The following MN1 variants were observed in gnomAD, a reference collection of about 807,000 sequenced individuals.
MN1 encodes the protein transcriptional activator MN1.
Under a neutral mutation model 86.9 loss-of-function variants are expected in MN1, and 19 were observed. That is an observed-to-expected ratio of 0.22 (90% CI 0.15 to 0.32). MN1 has a LOEUF of 0.32. Among genes scored for constraint, MN1 ranks in the 10% least tolerant of loss-of-function variants. The pLI is 1.00. For missense variants in MN1, 1,841 were observed against 1,862.0 expected (o/e 0.99, Z 0.21); for synonymous variants, 928 against 849.6 (o/e 1.09, Z -1.60).
chr22:27,782,622 A>C (rs533039752), intron 1 of MN1, among the ~76,000 whole-genome samples: 35 of 152,260 alleles, frequency 2.3e-4, no homozygotes, highest in African/African-American at 7.7e-4. Flanking sequence ...TCTGAGTATC[A>C]ACTCATATAT....
intron 1 of MN1, among the ~76,000 whole-genome samples, chr22:27,756,061 CTA>C (rs1932800263): frequency 6.6e-6 from 1 of 152,208 alleles, no homozygotes; most frequent in African/African-American, 2.4e-5. Context: ...CCAACGCTGG[CTA>C]TGAGTACAGC....
Position 27,797,945 on chromosome 22 carries a change from C to T in MN1, c.2599G>A (p.Gly867Ser). 3 of 1,594,312 alleles carry T rather than the reference C, an allele frequency of 1.9e-6. No individual in the cohort carries two copies. The highest frequency in any genetic ancestry group is 2.6e-6 in the Non-Finnish European group (3 of 1,169,898). Residue 867 changes from glycine to serine, a missense_variant, in exon 1 of 2, where the codon GGC becomes AGC. Gly to Ser is a moderately conservative substitution (Grantham distance 56). Transcript: ENST00000302326. ...KRKLSQNETD[G>S]AAVAGNPGSD... ...CCCGGGTTGCCGGCCACTGCCGCGC[C>T]GTCGGTCTCGTTCTGGCTCAGTTTC...
Position 27,800,579 on chromosome 22 carries a change from G to A in MN1, c.-36C>T, listed in dbSNP as rs1382984553. 1 of 1,612,702 alleles carries A rather than the reference G, an allele frequency of 6.2e-7. No individual in the cohort carries two copies. Among genetic ancestry groups the A allele is most frequent in the Non-Finnish European group, 8.5e-7 (1 of 1,179,896 alleles). On this transcript the variant is annotated 5_prime_UTR_variant, in exon 1 of 2. Coordinates refer to ENST00000302326, the MANE Select transcript of MN1 (RefSeq NM_002430.3). ...GGGCAGAGGGGGATCAATAGGGCAT[G>A]ACAGCCGGCTCTCCGCGGCGCGCCT...
chr22:27,775,366 C>T (rs1932964679), intron 1 of MN1, among the ~76,000 whole-genome samples: 1 of 152,138 alleles, frequency 6.6e-6, no homozygotes, highest in Non-Finnish European at 1.5e-5. Flanking sequence ...ACGCAGGAAT[C>T]GAGGGTTCAG....
chr22:27,775,372 T>C (rs1374680690), intron 1 of MN1, among the ~76,000 whole-genome samples: 1 of 151,938 alleles, frequency 6.6e-6, no homozygotes, highest in Non-Finnish European at 1.5e-5. Flanking sequence ...GAATCGAGGG[T>C]TCAGAACTGG....
At chr22:27,760,509 T>TA (rs5844789) in intron 1 of MN1, among the ~76,000 whole-genome samples, 37,212 of 151,428 alleles carry the variant, frequency 0.25, 7,235 homozygotes, top group African/African-American at 0.53. Flanking sequence ...ACCCTGTCTC[T>TA]AAAAAAAATA....
rs752305670 is a variant in MN1 at position 27,799,242 on chromosome 22, CGGA to C, written c.1299_1301del (p.Pro434del). ...GCAGCCGCTGGTTGGGCGCCTGCTGCGGAGGAGGATGCTGCATGCTGAAAACAG... is the reference window on the plus strand; with the variant it reads ...GCAGCCGCTGGTTGGGCGCCTGCTGCGGAGGATGCTGCATGCTGAAAACAG... On this transcript the variant is annotated inframe_deletion, in exon 1 of 2. Transcript: ENST00000302326. The C allele has an allele frequency of 6.9e-6, 11 of 1,590,080 alleles. No individual in the cohort carries two copies. In the East Asian group the frequency reaches 2.0e-4, roughly 29 times the overall value.
In MN1 at chr22:27,797,256, C is replaced by A; in HGVS notation, c.3288G>T (p.Pro1096=). Residue 1096 remains proline, a synonymous_variant, in exon 1 of 2, where the codon CCG becomes CCT. Coordinates refer to ENST00000302326, the MANE Select transcript of MN1 (RefSeq NM_002430.3). Reference sequence around the variant, plus strand: ...GGCCGAGGGCGGGCGGGGGCGCCTTCGGTCCGTGTTCCCCGGCGCCTACCC... The same window carrying A: ...GGCCGAGGGCGGGCGGGGGCGCCTTAGGTCCGTGTTCCCCGGCGCCTACCC... ...PRGVGAGEHG[P]KAPPPALGLG... 6.3e-7 allele frequency: 1 copy of A among 1,581,372 alleles called. No individual in the cohort carries two copies. Among genetic ancestry groups the A allele is most frequent in the Non-Finnish European group, 8.5e-7 (1 of 1,170,734 alleles).
chr22:27,767,787 G>T (rs1465437324), intron 1 of MN1, among the ~76,000 whole-genome samples: 2 of 151,846 alleles, frequency 1.3e-5, no homozygotes, highest in East Asian at 1.9e-4. Context: ...GGGGGGTTTT[G>T]ACAAAAAGAA....
intron 1 of MN1, among the ~76,000 whole-genome samples, chr22:27,791,105 T>G (rs1933205325): frequency 6.6e-6 from 1 of 151,948 alleles, no homozygotes; most frequent in African/African-American, 2.4e-5. Context: ...ATGCGGATGC[T>G]GGGATGGGGC....
intron 1 of MN1, among the ~76,000 whole-genome samples, chr22:27,785,096 A>G (rs1255033184): frequency 6.8e-6 from 1 of 146,940 alleles, no homozygotes; most frequent in Non-Finnish European, 1.5e-5. Context: ...ACACACACAC[A>G]CGGGTTTCCA....
At chr22:27,771,168 A>T (rs1235918825) in intron 1 of MN1, among the ~76,000 whole-genome samples, 6 of 151,746 alleles carry the variant, frequency 4.0e-5, no homozygotes, top group African/African-American at 1.5e-4. Flanking sequence ...GGTTAAAAAA[A>T]ACTCTATAAC....
intron 1 of MN1, among the ~76,000 whole-genome samples, chr22:27,753,956 G>A (rs958927599): frequency 6.6e-6 from 1 of 152,124 alleles, no homozygotes; most frequent in Non-Finnish European, 1.5e-5. Flanking sequence ...CAGAGAGAGA[G>A]AAAGAGAGAA....
chr22:27,765,376 C>T (rs1932861493), intron 1 of MN1, among the ~76,000 whole-genome samples: 1 of 151,728 alleles, frequency 6.6e-6, no homozygotes, highest in Admixed American at 6.6e-5. Flanking sequence ...ACTTAAAAAT[C>T]AATAGAACAT....
chr22:27,764,274 T>C (rs2060963615), intron 1 of MN1, among the ~76,000 whole-genome samples: 1 of 152,198 alleles, frequency 6.6e-6, no homozygotes, highest in Admixed American at 6.5e-5. Flanking sequence ...AAGTCCCTTG[T>C]ATTCTCCAAC....
At position 27,797,861 on chromosome 22, in the gene MN1, C is replaced by G; in HGVS notation, c.2683G>C (p.Gly895Arg). Residue 895 changes from glycine (G) to arginine (R), a missense_variant, in exon 1 of 2, where the codon GGG becomes CGG. Physicochemically the swap from Gly to Arg is moderately radical, Grantham distance 125 (BLOSUM62 -2). Transcript: ENST00000302326. Reference protein sequence around the residue: ...PGAPGPGGPSGTSSSGSKASG... With the variant: ...PGAPGPGGPSRTSSSGSKASG... ...GCTTTGGAGCCGCTGCTACTGGTCC[C>G]GGACGGGCCTCCGGGTCCTGGGGCC... is the stretch of plus-strand genomic sequence containing the variant. 1.9e-6 allele frequency: 3 copies of G among 1,584,738 alleles called. No homozygotes were observed. Among genetic ancestry groups the G allele is most frequent in the Non-Finnish European group, 2.6e-6 (3 of 1,167,366 alleles).
intron 1 of MN1, among the ~76,000 whole-genome samples, chr22:27,756,033 GC>G (rs1472200167): frequency 6.6e-6 from 1 of 152,210 alleles, no homozygotes; most frequent in Non-Finnish European, 1.5e-5. Context: ...AAAACGCTTA[GC>G]ACGTGGGGCG....
chr22:27,776,919 G>A (rs1480713270), intron 1 of MN1, among the ~76,000 whole-genome samples: 1 of 152,170 alleles, frequency 6.6e-6, no homozygotes, highest in Non-Finnish European at 1.5e-5. Flanking sequence ...GGGGGAGCCG[G>A]TGGGGGAGAG....
In MN1 at chr22:27,792,351, T is replaced by TATATAA. The variant is rs1350212376; in HGVS notation, c.3781+4411_3781+4412insTTATAT. Among the ~76,000 whole-genome samples the TATATAA allele has an allele frequency of 3.2e-3, 349 of 109,144 alleles. 3 individuals are homozygous for TATATAA. The highest frequency in any genetic ancestry group is 5.9e-3 in the Non-Finnish European group (279 of 47,636). The allele number at this position is 109,144 out of a possible 152,430, so 71.6% of individuals were successfully genotyped here. A position where few individuals can be genotyped will look rare whatever the true frequency, so the allele number is the denominator to read the frequency against. ...ATATATATATATATATATATATATA[T>TATATAA]GAATATATAAATATATTTTGCATAT... is the stretch of plus-strand genomic sequence containing the variant. On this transcript the variant is annotated intron_variant, in intron 1 of 1. Transcript: ENST00000302326.
Sources: gnomAD v4.1 joint callset for allele counts (sites outside exome capture counted in the v4.1 genomes callset) on GRCh38, gnomAD v4.1.1 for gene constraint, MANE v1.5 for transcripts, NCBI Gene and HGNC (gene_info 2026-07-23, HGNC 2026-07-21) for gene names.